Variants in RBFOX2 observed in about 807,000 individuals in gnomAD.
RBFOX2 encodes the protein RNA binding fox-1 homolog 2.
A neutral mutation model predicts 49.1 loss-of-function variants in RBFOX2; 10 were observed. That is an observed-to-expected ratio of 0.20 (90% confidence interval 0.13 to 0.35). The LOEUF is 0.35. RBFOX2 is among the 10% of genes least tolerant of loss of function. The pLI is 1.00. For missense variants in RBFOX2, 323 were observed against 486.9 expected (o/e 0.66, Z 3.17); for synonymous variants, 183 against 187.4 (o/e 0.98, Z 0.19).
In RBFOX2 at chr22:35,879,320, C is replaced by T. The variant is rs926720984; in HGVS notation, c.-34+59527G>A. 8.5e-5 allele frequency among the ~76,000 whole-genome samples: 13 copies of T among 152,060 alleles called. 1 individual carries two copies. The highest frequency in any genetic ancestry group is 3.3e-4 in the Admixed American group (5 of 15,270). On this transcript the variant is annotated intron_variant, in intron 1 of 13. Transcript: ENST00000359369. ...TGTACAGTCTTTTTTTCCTTGTCACCGTAAATCGTGTTCCAGAAACAATAT... is the reference window on the plus strand; with the variant it reads ...TGTACAGTCTTTTTTTCCTTGTCACTGTAAATCGTGTTCCAGAAACAATAT...
At chr22:35,939,613 C>A (rs181968988), upstream of RBFOX2, among the ~76,000 whole-genome samples, 8 of 152,054 alleles carry the variant, frequency 5.3e-5, no homozygotes, top group Non-Finnish European at 1.2e-4. Context: ...TTCTAATTAA[C>A]CTTATTTTTT....
chr22:35,968,789 C>T (rs1010274686), intron 1 of RBFOX2, among the ~76,000 whole-genome samples: 4 of 152,042 alleles, frequency 2.6e-5, no homozygotes, highest in Admixed American at 2.0e-4. Flanking sequence ...GAAGCTCAGT[C>T]GAATTGGAGA....
chr22:35,802,823 G>A (rs1950023788), intron 2 of RBFOX2, among the ~76,000 whole-genome samples: 1 of 152,174 alleles, frequency 6.6e-6, no homozygotes, highest in South Asian at 2.1e-4. Context: ...CTGGGTGGCT[G>A]TGAAACTACA....
intron 1 of RBFOX2, among the ~76,000 whole-genome samples, chr22:35,977,543 T>C (rs960377557): frequency 6.6e-6 from 1 of 151,852 alleles, no homozygotes; most frequent in Admixed American, 6.6e-5. Flanking sequence ...TGCCAGTGGC[T>C]GCGGATGCGA....
chr22:35,966,340 T>C (rs2056557923), upstream of RBFOX2, among the ~76,000 whole-genome samples: 1 of 152,212 alleles, frequency 6.6e-6, no homozygotes. Flanking sequence ...TACATTTCGG[T>C]TGGGTATGCC....
At chr22:36,013,749 AG>A (rs1371362085) in intron 1 of RBFOX2, among the ~76,000 whole-genome samples, 2 of 152,164 alleles carry the variant, frequency 1.3e-5, no homozygotes, top group African/African-American at 4.8e-5. Context: ...AAAAGCAAGG[AG>A]CAAAAAATAC....
At chr22:36,011,749 A>C (rs1055846315) in intron 1 of RBFOX2, among the ~76,000 whole-genome samples, 13 of 152,208 alleles carry the variant, frequency 8.5e-5, no homozygotes, top group African/African-American at 2.9e-4. Context: ...TATATGCATT[A>C]AGAAAATGTA....
intron 1 of RBFOX2, among the ~76,000 whole-genome samples, chr22:35,847,400 C>T (rs546901893): frequency 2.0e-5 from 3 of 152,198 alleles, no homozygotes; most frequent in Non-Finnish European, 4.4e-5. Flanking sequence ...AAATACTGTT[C>T]AATCATGTCC....
At chr22:35,876,654 T>C (rs2045130937) in intron 1 of RBFOX2, among the ~76,000 whole-genome samples, 1 of 151,874 alleles carries the variant, frequency 6.6e-6, no homozygotes, top group Admixed American at 6.6e-5. Context: ...AAAATGCATT[T>C]TTATTTCAGT....
intron 1 of RBFOX2, among the ~76,000 whole-genome samples, chr22:35,949,831 T>G (rs1434659243): frequency 6.6e-6 from 1 of 152,218 alleles, no homozygotes; most frequent in Non-Finnish European, 1.5e-5. Context: ...ATCAGATATA[T>G]TTTTGCAAAT....
chr22:35,855,683 A>C (rs947753486), intron 1 of RBFOX2, among the ~76,000 whole-genome samples: 2 of 150,724 alleles, frequency 1.3e-5, no homozygotes, highest in Non-Finnish European at 3.0e-5. Flanking sequence ...TGCTGGGATT[A>C]TGGGTGTGAG....
upstream of RBFOX2, chr22:35,840,638 G>A: frequency 9.6e-7 from 1 of 1,043,478 alleles, no homozygotes; most frequent in Non-Finnish European, 1.2e-6. Context: ...GTGCGTGTGT[G>A]TGTGTGTGTG....
chr22:35,951,048 G>A (rs1394975548), intron 1 of RBFOX2, among the ~76,000 whole-genome samples: 2 of 150,794 alleles, frequency 1.3e-5, no homozygotes, highest in Non-Finnish European at 3.0e-5. Context: ...CCACCTCCCG[G>A]GTTCATGCCA....
intron 9 of RBFOX2, 87 bp from the exon 11 acceptor site, chr22:35,756,231 G>T: frequency 7.9e-7 from 1 of 1,263,126 alleles, no homozygotes; most frequent in Non-Finnish European, 1.1e-6. Flanking sequence ...GCATGCACAT[G>T]CGCTCTACAC....
intron 1 of RBFOX2, among the ~76,000 whole-genome samples, chr22:36,010,318 G>C (rs773155193): frequency 1.3e-5 from 2 of 152,112 alleles, no homozygotes; most frequent in Non-Finnish European, 2.9e-5. Flanking sequence ...AAAAGCAACA[G>C]GGGAAACAAC....
intron 1 of RBFOX2, among the ~76,000 whole-genome samples, chr22:35,891,898 A>G (rs996066365): frequency 5.9e-5 from 9 of 152,142 alleles, no homozygotes; most frequent in Admixed American, 2.6e-4. Flanking sequence ...TTTCTCCATC[A>G]GGAGGCAACC....
intron 1 of RBFOX2, among the ~76,000 whole-genome samples, chr22:36,003,192 T>C (rs567687789): frequency 1.3e-5 from 2 of 152,320 alleles, no homozygotes; most frequent in Non-Finnish European, 2.9e-5. Flanking sequence ...TGATATTAAC[T>C]CATTCTTCCC....
At chr22:35,851,788 G>A (rs1054177317) in intron 1 of RBFOX2, among the ~76,000 whole-genome samples, 5 of 149,418 alleles carry the variant, frequency 3.3e-5, no homozygotes, top group Non-Finnish European at 7.4e-5. Flanking sequence ...CCGAGATCCC[G>A]CCACTGCACT....
At chr22:35,966,749 C>G (rs2056580753) in intron 1 of RBFOX2, among the ~76,000 whole-genome samples, 1 of 152,086 alleles carries the variant, frequency 6.6e-6, no homozygotes, top group Admixed American at 6.6e-5. Flanking sequence ...CTAGCCAGAT[C>G]CCTATACTAC....
Sources: gnomAD v4.1 joint callset for allele counts (sites outside exome capture counted in the v4.1 genomes callset) on GRCh38, gnomAD v4.1.1 for gene constraint, MANE v1.5 for transcripts, NCBI Gene and HGNC (gene_info 2026-07-23, HGNC 2026-07-21) for gene names.